DENND4A: variants seen among roughly 807,000 people sequenced by gnomAD.
DENND4A encodes C-myc promoter-binding protein.
DENND4A carries 70 observed loss-of-function variants against 199.3 expected under a neutral mutation model. That is an observed-to-expected ratio of 0.35 (90% CI 0.29 to 0.43). The LOEUF (loss-of-function observed/expected upper bound fraction) is 0.43, where lower values mean the gene tolerates loss of function less well. Among genes scored for constraint, DENND4A ranks in the 20% least tolerant of loss-of-function variants. The pLI is 1.00. For synonymous variants in DENND4A, 686 were observed against 766.9 expected (o/e 0.89, Z 1.74); for missense variants, 1,723 against 2,255.8 (o/e 0.76, Z 4.78).
Position 65,697,248 on chromosome 15 carries a change from C to T in DENND4A, c.2950+19G>A, listed in dbSNP as rs1486574358. The T allele has an allele frequency of 7.1e-7, 1 of 1,398,630 alleles. No individual in the cohort carries two copies. Among genetic ancestry groups the T allele is most frequent in the East Asian group, 2.4e-5 (1 of 42,518 alleles). 86.6% of individuals were successfully genotyped at this position (1,398,630 alleles called of 1,614,324 possible). On this transcript the variant is annotated intron_variant, in intron 21 of 32. Transcript: ENST00000443035. ...ATAAGTTCTCAATTTTATACAATATCAACTTAAACAATACCTACAGGAACT... is the reference window on the plus strand; with the variant it reads ...ATAAGTTCTCAATTTTATACAATATTAACTTAAACAATACCTACAGGAACT...
At chr15:65,769,498 T>G (rs984686889) in intron 1 of DENND4A, among the ~76,000 whole-genome samples, 2 of 152,132 alleles carry the variant, frequency 1.3e-5, no homozygotes, top group African/African-American at 4.8e-5. Context: ...CCTGGTTCTA[T>G]CCAGCATTAG....
At chr15:65,773,845 C>T (rs999632506) in intron 1 of DENND4A, among the ~76,000 whole-genome samples, 2 of 151,984 alleles carry the variant, frequency 1.3e-5, no homozygotes, top group Admixed American at 1.3e-4. Context: ...TCAACCTGGG[C>T]TTTTTAGGGG....
At position 65,701,897 on chromosome 15, in the gene DENND4A, T is replaced by C. The variant is rs769776255; in HGVS notation, c.2431-7A>G. On this transcript the variant is annotated splice_polypyrimidine_tract_variant and splice_region_variant and intron_variant, in intron 17 of 32. Transcript: ENST00000443035. ...TAAGAATGCGGTAGCATACCTGAAA[T>C]ACAAGTTCAAAATTGTACCGAAACA... is the stretch of plus-strand genomic sequence containing the variant. 3 of 1,613,612 alleles carry C rather than the reference T, an allele frequency of 1.9e-6. No homozygotes were observed. The highest frequency in any genetic ancestry group is 2.5e-6 in the Non-Finnish European group (3 of 1,179,702).
At position 65,699,671 on chromosome 15, in the gene DENND4A, T is replaced by TTA. The variant is rs200384316; in HGVS notation, c.2833+871_2833+872dup. Among the ~76,000 whole-genome samples, 1,452 of 147,788 alleles carry TTA rather than the reference T, an allele frequency of 9.8e-3. 22 individuals carry two copies. Among genetic ancestry groups the TTA allele is most frequent in the African/African-American group, 0.034 (1,370 of 40,686 alleles). ...TATATAATATTATACATATATTATTTTATATATATATATAAATTTTTTTTT... is the reference window on the plus strand; with the variant it reads ...TATATAATATTATACATATATTATTTTATATATATATATATAAATTTTTTTTT... On this transcript the variant is annotated intron_variant, in intron 20 of 32. Transcript: ENST00000443035.
At position 65,690,997 on chromosome 15, in the gene DENND4A, T is replaced by C; in HGVS notation, c.3597A>G (p.Val1199=). 6.2e-7 allele frequency: 1 copy of C among 1,608,628 alleles called. No homozygotes were observed. Among genetic ancestry groups the C allele is most frequent in the Non-Finnish European group, 8.5e-7 (1 of 1,177,078 alleles). The part of the protein sequence containing the change: ...RIQRMNSSFS[V]KPFEKTDVAT... ...CGACATCAGTTTTTTCAAAAGGTTT[T>C]ACTGAAAAGCTGCTGTTCATACGTT... The change falls in exon 23 of 33, where the codon GTA becomes GTG. Residue 1199 remains valine, a synonymous_variant. Transcript: ENST00000443035.
At chr15:65,698,418 T>C (rs763526627) in intron 20 of DENND4A, among the ~76,000 whole-genome samples, 2 of 152,190 alleles carry the variant, frequency 1.3e-5, no homozygotes, top group African/African-American at 2.4e-5. Context: ...TTAGGAGACA[T>C]ATGATTTTAA....
At chr15:65,761,887 G>T (rs2076858796) in intron 1 of DENND4A, among the ~76,000 whole-genome samples, 1 of 152,088 alleles carries the variant, frequency 6.6e-6, no homozygotes, top group Non-Finnish European at 1.5e-5. Context: ...AAGTTTCAAA[G>T]AAGTCAATAC....
chr15:65,711,311 G>C (rs996767691), intron 14 of DENND4A, among the ~76,000 whole-genome samples: 4 of 152,044 alleles, frequency 2.6e-5, no homozygotes, highest in Non-Finnish European at 5.9e-5. Context: ...AGACCAACCT[G>C]GGCAACACAA....
chr15:65,659,334 T>A lies in DENND4A; in HGVS notation c.*2517A>T, dbSNP rs866547076. 8.0e-6 allele frequency: 1 copy of A among 124,978 alleles called. No individual in the cohort carries two copies. Among genetic ancestry groups the A allele is most frequent in the South Asian group, 3.5e-4 (1 of 2,844 alleles). The allele number at this position is 124,978 out of a possible 1,614,324, so 7.7% of individuals were successfully genotyped here. On this transcript the variant is annotated 3_prime_UTR_variant, in exon 33 of 33. Coordinates refer to ENST00000443035, the MANE Select transcript of DENND4A (RefSeq NM_001320835.1). Reference sequence around the variant, plus strand: ...TTGATATTTTCTGGTTTTTTTTTTTTTTTTTTTTTTTTTTTTTGAGACAGG... The same window carrying A: ...TTGATATTTTCTGGTTTTTTTTTTTATTTTTTTTTTTTTTTTTGAGACAGG...
intron 23 of DENND4A, chr15:65,680,519 T>C (rs145474079): frequency 3.9e-4 from 60 of 152,360 alleles, no homozygotes; most frequent in African/African-American, 1.3e-3. Context: ...TAGTTGAATT[T>C]TTCTAATTAA....
Position 65,659,344 on chromosome 15 carries a change from TTTTTTTTG to T in DENND4A, c.*2499_*2506del. 1 of 137,380 alleles carries T rather than the reference TTTTTTTTG, an allele frequency of 7.3e-6. No individual in the cohort carries two copies. Among genetic ancestry groups the T allele is most frequent in the African/African-American group, 2.7e-5 (1 of 37,372 alleles). The allele number at this position is 137,380 out of a possible 1,614,324, so 8.5% of individuals were successfully genotyped here. ...CTGGTTTTTTTTTTTTTTTTTTTTT[TTTTTTTTG>T]AGACAGGGTCTTGCTCTGTAATCCA... On this transcript the variant is annotated 3_prime_UTR_variant, in exon 33 of 33. Coordinates refer to ENST00000443035, the MANE Select transcript of DENND4A (RefSeq NM_001320835.1).
At chr15:65,728,473 C>CT (rs1200082945) in intron 11 of DENND4A, among the ~76,000 whole-genome samples, 1 of 147,100 alleles carries the variant, frequency 6.8e-6, no homozygotes, top group Non-Finnish European at 1.5e-5. Context: ...ATTTCTTTTT[C>CT]TTTTTTTCTT....
chr15:65,712,303 TTC>T (rs778328201), intron 14 of DENND4A, among the ~76,000 whole-genome samples: 1 of 152,200 alleles, frequency 6.6e-6, no homozygotes, highest in African/African-American at 2.4e-5. Context: ...AATTGAACAT[TTC>T]TGTTATGAAA....
chr15:65,719,343 TA>T (rs1277718132), intron 12 of DENND4A: 1 of 148,986 alleles, frequency 6.7e-6, no homozygotes, highest in Non-Finnish European at 1.5e-5. Context: ...TTTTTTAATA[TA>T]AGTACCTGCA....
At position 65,691,298 on chromosome 15, in the gene DENND4A, T is replaced by C; in HGVS notation, c.3296A>G (p.Asp1099Gly). The C allele has an allele frequency of 6.2e-7, 1 of 1,613,264 alleles. No individual in the cohort carries two copies. The highest frequency in any genetic ancestry group is 1.1e-5 in the South Asian group (1 of 90,998). Residue 1099 changes from aspartate to glycine, a missense_variant, in exon 23 of 33, where the codon GAT (aspartate) becomes GGT (glycine). By Grantham distance (94) the Asp-to-Gly change is moderately conservative. Transcript: ENST00000443035. ...ATCAGCTCCCAATTTTTCAACTATA[T>C]CTCCAGGGGTTGCTTCCTGGTTAAT... ...NRINQEATPGDIVEKLGADAK... is the reference protein window; with the variant it reads ...NRINQEATPGGIVEKLGADAK...
intron 2 of DENND4A, among the ~76,000 whole-genome samples, chr15:65,758,439 A>G (rs1228754844): frequency 6.6e-6 from 1 of 152,076 alleles, no homozygotes; most frequent in Non-Finnish European, 1.5e-5. Context: ...TCAGCCTCCC[A>G]TGCAGCTGGG....
Position 65,703,028 on chromosome 15 carries a change from AC to A in DENND4A, c.2088-21del, listed in dbSNP as rs1431524776. On this transcript the variant is annotated intron_variant, in intron 15 of 32. Coordinates refer to ENST00000443035, the MANE Select transcript of DENND4A (RefSeq NM_001320835.1). ...TTATAGCTGTTTTAGAAAAAACAAA[AC>A]AAAACAAAAAAGAGTTCTCAAGCAC... The A allele has an allele frequency of 6.2e-7, 1 of 1,606,400 alleles. No individual in the cohort carries two copies. The highest frequency in any genetic ancestry group is 1.1e-5 in the South Asian group (1 of 90,596).
At chr15:65,673,899 T>C (rs1481840985) in intron 24 of DENND4A, among the ~76,000 whole-genome samples, 1 of 152,238 alleles carries the variant, frequency 6.6e-6, no homozygotes, top group Non-Finnish European at 1.5e-5. Context: ...CTAACTAATC[T>C]ACAGTATAGA....
chr15:65,784,193 T>C (rs1025801955), intron 1 of DENND4A, among the ~76,000 whole-genome samples: 3 of 151,932 alleles, frequency 2.0e-5, no homozygotes, highest in Admixed American at 2.0e-4. Context: ...CCAATACTCC[T>C]CAAAACCATC....
Sources: allele counts gnomAD v4.1 joint callset (sites outside exome capture counted in the v4.1 genomes callset), GRCh38; gene constraint gnomAD v4.1.1; transcripts MANE v1.5; gene names NCBI Gene and HGNC (gene_info 2026-07-23, HGNC 2026-07-21).